Variants in SLC37A1 observed in about 807,000 individuals in gnomAD.
SLC37A1 encodes solute carrier family 37 member 1, also known as glucose-6-phosphate exchanger SLC37A1.
SLC37A1 carries 49 observed loss-of-function variants against 75.3 expected under a neutral mutation model. The observed-to-expected ratio is 0.65, with a 90% CI of 0.52 to 0.83. The LOEUF is 0.83. Ranked by LOEUF, SLC37A1 falls within the 40% of genes least tolerant of loss-of-function variation. SLC37A1 has a pLI of 0.00. For synonymous variants in SLC37A1, 268 were observed against 292.1 expected (o/e 0.92, Z 0.84); for missense variants, 566 against 695.0 (o/e 0.81, Z 2.09).
chr21:42,523,721 A>G (rs948934741), intron 2 of SLC37A1, among the ~76,000 whole-genome samples: 1 of 152,218 alleles, frequency 6.6e-6, no homozygotes, highest in African/African-American at 2.4e-5. Flanking sequence ...GAGAAAGGCC[A>G]TTGGAAGATA....
intron 6 of SLC37A1, among the ~76,000 whole-genome samples, chr21:42,540,138 A>G (rs572551862): frequency 1.5e-4 from 23 of 152,334 alleles, no homozygotes; most frequent in African/African-American, 5.1e-4. Context: ...TGGGTGATCA[A>G]TTTAAAGCAT....
intron 2 of SLC37A1, among the ~76,000 whole-genome samples, chr21:42,523,148 GATA>G (rs1426228094): frequency 1.3e-5 from 2 of 152,372 alleles, no homozygotes; most frequent in African/African-American, 2.4e-5. Context: ...CTAGCTGGGT[GATA>G]ACACCTGTAG....
At position 42,580,471 on chromosome 21, in the gene SLC37A1, T is replaced by C. The variant is rs2056403390; in HGVS notation, c.*111T>C. The C allele has an allele frequency of 1.7e-6, 2 of 1,203,494 alleles. No individual in the cohort carries two copies. The highest frequency in any genetic ancestry group is 2.3e-6 in the Non-Finnish European group (2 of 858,764). The allele number at this position is 1,203,494 out of a possible 1,614,324, so 74.6% of individuals were successfully genotyped here. On this transcript the variant is annotated 3_prime_UTR_variant, in exon 20 of 20. Coordinates refer to ENST00000352133, the MANE Select transcript of SLC37A1 (RefSeq NM_001320537.2). ...GGAAAGAGTGACCTCCCTTTGCCTTTTGCACACGCACCTGGAAAAGACACA... is the reference window on the plus strand; with the variant it reads ...GGAAAGAGTGACCTCCCTTTGCCTTCTGCACACGCACCTGGAAAAGACACA...
chr21:42,535,637 C>T (rs556742180), intron 5 of SLC37A1, 87 bp downstream of exon 5: 20 of 1,215,544 alleles, frequency 1.6e-5, no homozygotes, highest in East Asian at 7.0e-5. Context: ...AGTGCACAGG[C>T]GCGCGGGATT....
At chr21:42,518,248 A>T (rs2054561056) in intron 1 of SLC37A1, 29 bp from the exon 2 acceptor site, 3 of 596,038 alleles carry the variant, frequency 5.0e-6, no homozygotes, top group Admixed American at 2.6e-5. Context: ...ACGACACTGG[A>T]CTCTGAATGC....
intron 10 of SLC37A1, among the ~76,000 whole-genome samples, chr21:42,558,201 C>A (rs145995854): frequency 8.7e-4 from 133 of 152,314 alleles, no homozygotes; most frequent in African/African-American, 3.1e-3. Context: ...TGGGGAATCA[C>A]TCTTCTTTGC....
chr21:42,539,571 G>T lies in SLC37A1; in HGVS notation c.410G>T (p.Ser137Ile), dbSNP rs2055222581. Residue 137 changes from serine (S) to isoleucine (I), a missense_variant, in exon 6 of 20, where the codon AGC becomes ATC. Coordinates refer to ENST00000352133, the MANE Select transcript of SLC37A1 (RefSeq NM_001320537.2). ...TACCTAACTTTCGGGATGCTCGCCAGCGGAGCCTTCACCGCCCTGTTCGGC... is the reference window on the plus strand; with the variant it reads ...TACCTAACTTTCGGGATGCTCGCCATCGGAGCCTTCACCGCCCTGTTCGGC... ...RYYLTFGMLA[S>I]GAFTALFGLG... 6.2e-7 allele frequency: 1 copy of T among 1,614,062 alleles called. No individual in the cohort carries two copies. Among genetic ancestry groups the T allele is most frequent in the Non-Finnish European group, 8.5e-7 (1 of 1,179,976 alleles).
rs2054584257 is a variant in SLC37A1, at chr21:42,519,080, C to A, written c.56+570C>A. On this transcript the variant is annotated intron_variant, in intron 2 of 19. Coordinates refer to ENST00000352133, the MANE Select transcript of SLC37A1 (RefSeq NM_001320537.2). The stretch of plus-strand genomic sequence containing the variant: ...TGGGCTCCCTGGCCTCTAACTTGTC[C>A]TGCTGACCTCTTCTGGGAGAGGAAA... Among the ~76,000 whole-genome samples the A allele has an allele frequency of 7.2e-5, 11 of 152,198 alleles. No individual in the cohort carries two copies. In the South Asian group the frequency reaches 2.3e-3, roughly 31 times the overall value.
intron 2 of SLC37A1, 104 bp from the exon 3 acceptor site, chr21:42,525,672 A>G (rs993400124): frequency 2.6e-6 from 2 of 755,384 alleles, no homozygotes; most frequent in African/African-American, 1.7e-5. Flanking sequence ...GTAGAACTGA[A>G]TGAATAATAC....
intron 10 of SLC37A1, among the ~76,000 whole-genome samples, chr21:42,557,860 G>A (rs2055731528): frequency 6.6e-6 from 1 of 151,848 alleles, no homozygotes; most frequent in South Asian, 2.1e-4. Flanking sequence ...CACAAAGCCT[G>A]TTTGATTTTG....
intron 2 of SLC37A1, among the ~76,000 whole-genome samples, chr21:42,521,882 G>A (rs2054658802): frequency 6.6e-6 from 1 of 152,138 alleles, no homozygotes; most frequent in African/African-American, 2.4e-5. Context: ...CCACAAGCTG[G>A]GTGTCTTGAA....
intron 10 of SLC37A1, among the ~76,000 whole-genome samples, chr21:42,555,883 C>T (rs79027184): frequency 0.14 from 21,508 of 152,280 alleles, 2,185 homozygotes; most frequent in African/African-American, 0.28. Context: ...ACCTCGCTTA[C>T]GTGGCATCCC....
intron 10 of SLC37A1, among the ~76,000 whole-genome samples, chr21:42,557,721 G>A (rs2055727149): frequency 6.6e-6 from 1 of 152,146 alleles, no homozygotes; most frequent in Non-Finnish European, 1.5e-5. Context: ...TTTTCCACTG[G>A]AAGAGAATTC....
chr21:42,508,064 A>T (rs1468496977), intron 2 of SLC37A1, among the ~76,000 whole-genome samples: 2 of 151,548 alleles, frequency 1.3e-5, no homozygotes, highest in Non-Finnish European at 1.5e-5. Context: ...TTTAAAGAAC[A>T]GCCCCTTGAT....
intron 2 of SLC37A1, among the ~76,000 whole-genome samples, chr21:42,519,957 AGTGTGTTTGTGTGT>A (rs1568985496): frequency 9.4e-6 from 1 of 106,334 alleles, no homozygotes; most frequent in African/African-American, 5.2e-5. Context: ...GCCCCTCCAC[AGTGTGTTTGTGTGT>A]GTGTGTGTGT....
At chr21:42,527,554 C>G (rs999341763) in intron 3 of SLC37A1, among the ~76,000 whole-genome samples, 8 of 152,144 alleles carry the variant, frequency 5.3e-5, no homozygotes, top group African/African-American at 1.9e-4. Context: ...CTGCCACATA[C>G]ATTACCCCTG....
At chr21:42,527,917 G>A (rs756216254) in intron 3 of SLC37A1, among the ~76,000 whole-genome samples, 11 of 152,148 alleles carry the variant, frequency 7.2e-5, no homozygotes, top group Non-Finnish European at 1.6e-4. Context: ...TGAAGCGCCC[G>A]TGTGCTTGAG....
chr21:42,574,956 G>T, intron 18 of SLC37A1, 41 bp downstream of exon 18: 1 of 1,611,932 alleles, frequency 6.2e-7, no homozygotes, highest in Non-Finnish European at 8.5e-7. Flanking sequence ...CTTGAATGCA[G>T]ATCTCTGTGG....
At chr21:42,506,023 ATGT>A (rs2054381311) in intron 2 of SLC37A1, among the ~76,000 whole-genome samples, 3 of 152,204 alleles carry the variant, frequency 2.0e-5, no homozygotes, top group South Asian at 2.1e-4. Context: ...AATAAGGCTA[ATGT>A]TGTTGAAGTG....
Sources: gnomAD v4.1 joint callset for allele counts (sites outside exome capture counted in the v4.1 genomes callset) on GRCh38, gnomAD v4.1.1 for gene constraint, MANE v1.5 for transcripts, NCBI Gene and HGNC (gene_info 2026-07-23, HGNC 2026-07-21) for gene names.